Variants in HS3ST3A1 observed in about 807,000 individuals in gnomAD.
HS3ST3A1 encodes the protein heparan sulfate glucosamine 3-O-sulfotransferase 3A1.
In HS3ST3A1, 19 loss-of-function variants were observed where a neutral mutation model predicts 25.7. The observed-to-expected ratio is 0.74, with a 90% CI of 0.52 to 1.08. The LOEUF is 1.08. Among genes scored for constraint, HS3ST3A1 ranks in the 50% least tolerant of loss-of-function variants. The pLI is 0.00. For synonymous variants in HS3ST3A1, 226 were observed against 278.6 expected, an observed-to-expected ratio of 0.81 and a Z score of 1.88; for missense variants, 459 against 594.3, an observed-to-expected ratio of 0.77 and a Z score of 2.37.
intron 1 of HS3ST3A1, among the ~76,000 whole-genome samples, chr17:13,539,849 T>C (rs1906878899): frequency 6.6e-6 from 1 of 152,248 alleles, no homozygotes; most frequent in African/African-American, 2.4e-5. Flanking sequence ...ATTCTGATTT[T>C]GTATGATCTT....
intron 1 of HS3ST3A1, among the ~76,000 whole-genome samples, chr17:13,557,050 C>T (rs1250251321): frequency 6.6e-6 from 1 of 152,072 alleles, no homozygotes; most frequent in Admixed American, 6.6e-5. Context: ...GCTTAGCTCA[C>T]CCAAATTAAA....
At chr17:13,592,258 T>C (rs977313937) in intron 1 of HS3ST3A1, among the ~76,000 whole-genome samples, 1 of 152,200 alleles carries the variant, frequency 6.6e-6, no homozygotes, top group East Asian at 1.9e-4. Context: ...GCCTCTTTTC[T>C]GATCTATAAA....
intron 1 of HS3ST3A1, among the ~76,000 whole-genome samples, chr17:13,506,699 T>C (rs758173064): frequency 8.5e-5 from 13 of 152,090 alleles, no homozygotes; most frequent in African/African-American, 2.9e-4. Flanking sequence ...CCACAAGGCA[T>C]GTGATGGAGG....
intron 1 of HS3ST3A1, among the ~76,000 whole-genome samples, chr17:13,519,302 A>G (rs1273038049): frequency 2.0e-5 from 3 of 152,234 alleles, no homozygotes; most frequent in Non-Finnish European, 2.9e-5. Context: ...AAAGTTTGAG[A>G]ATAATTGGCT....
chr17:13,506,026 CAAAAAAA>C (rs35525593), intron 1 of HS3ST3A1, among the ~76,000 whole-genome samples: 3 of 66,972 alleles, frequency 4.5e-5, no homozygotes, highest in South Asian at 6.2e-4. Flanking sequence ...GACTTCATCT[CAAAAAAA>C]AAAAAAAAAA....
intron 1 of HS3ST3A1, among the ~76,000 whole-genome samples, chr17:13,566,968 A>G (rs2142370046): frequency 6.6e-6 from 1 of 152,374 alleles, no homozygotes; most frequent in Admixed American, 6.5e-5. Flanking sequence ...ACACCAAACA[A>G]CAGATTTTCC....
chr17:13,520,051 A>G (rs896205019), intron 1 of HS3ST3A1, among the ~76,000 whole-genome samples: 34 of 152,206 alleles, frequency 2.2e-4, no homozygotes, highest in African/African-American at 7.7e-4. Flanking sequence ...TCTGTATCTT[A>G]GTTTCCTCAT....
chr17:13,579,725 A>T (rs1228954196), intron 1 of HS3ST3A1, among the ~76,000 whole-genome samples: 1 of 148,102 alleles, frequency 6.8e-6, no homozygotes, highest in African/African-American at 2.5e-5. Flanking sequence ...AAAAAAAAAA[A>T]AAATCATAAG....
chr17:13,530,957 C>T (rs1056774656), intron 1 of HS3ST3A1, among the ~76,000 whole-genome samples: 22 of 152,124 alleles, frequency 1.4e-4, no homozygotes, highest in African/African-American at 5.3e-4. Context: ...TAGAAATGAA[C>T]CCAGTGACTT....
intron 1 of HS3ST3A1, among the ~76,000 whole-genome samples, chr17:13,585,292 C>T (rs1162440670): frequency 7.0e-6 from 1 of 142,852 alleles, no homozygotes; most frequent in Non-Finnish European, 1.5e-5. Flanking sequence ...CTCTGCCTCC[C>T]GGGTTCAAGC....
At chr17:13,541,484 G>A (rs1328619466) in intron 1 of HS3ST3A1, among the ~76,000 whole-genome samples, 1 of 152,046 alleles carries the variant, frequency 6.6e-6, no homozygotes, top group Non-Finnish European at 1.5e-5. Flanking sequence ...GAATGGAAGG[G>A]CCAGTTGATA....
chr17:13,555,451 C>A (rs565680574), intron 1 of HS3ST3A1, among the ~76,000 whole-genome samples: 37 of 152,222 alleles, frequency 2.4e-4, no homozygotes, highest in African/African-American at 8.4e-4. Context: ...CAACTAGGAG[C>A]CTGTGTCCTA....
chr17:13,527,294 G>A (rs1041942080), intron 1 of HS3ST3A1, among the ~76,000 whole-genome samples: 1 of 152,284 alleles, frequency 6.6e-6, no homozygotes, highest in South Asian at 2.1e-4. Flanking sequence ...AAAAAGGAGA[G>A]GGAGGGCATG....
chr17:13,501,567 A>G (rs1905477390), intron 1 of HS3ST3A1, among the ~76,000 whole-genome samples: 1 of 152,226 alleles, frequency 6.6e-6, no homozygotes. Flanking sequence ...CTCAAATATA[A>G]AAACGAGGTT....
intron 1 of HS3ST3A1, among the ~76,000 whole-genome samples, chr17:13,560,625 T>A (rs1368347558): frequency 1.3e-5 from 2 of 152,202 alleles, no homozygotes; most frequent in African/African-American, 4.8e-5. Flanking sequence ...CTGCTGATTA[T>A]GCCTATGGTA....
At chr17:13,574,355 G>C (rs1056510111) in intron 1 of HS3ST3A1, among the ~76,000 whole-genome samples, 1 of 151,030 alleles carries the variant, frequency 6.6e-6, no homozygotes, top group Non-Finnish European at 1.5e-5. Flanking sequence ...AGATGGTCTC[G>C]AACTCCTGAC....
intron 1 of HS3ST3A1, among the ~76,000 whole-genome samples, chr17:13,524,360 C>T (rs928042930): frequency 2.0e-5 from 3 of 152,076 alleles, no homozygotes; most frequent in African/African-American, 7.2e-5. Flanking sequence ...AGGGCTCAAG[C>T]GATCCTCCTG....
intron 1 of HS3ST3A1, chr17:13,543,427 C>G (rs1447570754): frequency 6.7e-6 from 1 of 150,230 alleles, no homozygotes; most frequent in Non-Finnish European, 1.6e-5. Context: ...ATTTTTTTTT[C>G]TCTGACATAG....
intron 1 of HS3ST3A1, among the ~76,000 whole-genome samples, chr17:13,530,773 TCG>T (rs1442571883): frequency 2.0e-5 from 3 of 152,118 alleles, no homozygotes; most frequent in African/African-American, 7.2e-5. Context: ...AGCAACTCAA[TCG>T]CTCAGTTTTC....
Sources: allele counts gnomAD v4.1 joint callset (sites outside exome capture counted in the v4.1 genomes callset), GRCh38; gene constraint gnomAD v4.1.1; transcripts MANE v1.5; gene names NCBI Gene and HGNC (gene_info 2026-07-23, HGNC 2026-07-21).